GSE1: variants seen among roughly 807,000 people sequenced by gnomAD.
The protein encoded by GSE1 is Gse1 coiled-coil protein, also known as genetic suppressor element 1.
GSE1 carries 32 observed loss-of-function variants against 112.6 expected under a neutral mutation model. That is an observed-to-expected ratio of 0.28 (90% CI 0.21 to 0.38). GSE1 has a LOEUF of 0.38. GSE1 is among the 10% of genes least tolerant of loss of function. The pLI, the probability that GSE1 is intolerant of heterozygous loss-of-function variation, is 1.00. For synonymous variants in GSE1, 1,115 were observed against 735.6 expected (o/e 1.52, Z -8.35); for missense variants, 2,348 against 1,699.2 (o/e 1.38, Z -6.71).
chr16:85,358,637 CT>C lies in GSE1; in HGVS notation c.2464+995del, dbSNP rs527458745. ...CTGGACTTTGATCTGGGACCTCCAT[CT>C]GCAGGGCAACCCCAATACCGACCTC... On this transcript the variant is annotated intron_variant, in intron 2 of 2. Transcript: ENST00000637419. Among the ~76,000 whole-genome samples the C allele has an allele frequency of 2.0e-3, 312 of 152,332 alleles. 1 individual carries two copies. Among genetic ancestry groups the C allele is most frequent in the African/African-American group, 7.4e-3 (306 of 41,572 alleles).
intron 1 of GSE1, among the ~76,000 whole-genome samples, chr16:85,614,565 GCTGC>G (rs1277665541): frequency 5.3e-5 from 8 of 152,122 alleles, no homozygotes; most frequent in African/African-American, 1.9e-4. Flanking sequence ...GGGAGTGGAG[GCTGC>G]GCCCTTTCCA....
At chr16:85,216,278 C>G (rs893530312) in intron 1 of GSE1, among the ~76,000 whole-genome samples, 2 of 152,148 alleles carry the variant, frequency 1.3e-5, no homozygotes, top group African/African-American at 4.8e-5. Context: ...GTGGTGTGCA[C>G]CTGTAGTCCC....
At chr16:85,213,224 A>G (rs2143675378) in intron 1 of GSE1, among the ~76,000 whole-genome samples, 1 of 150,628 alleles carries the variant, frequency 6.6e-6, no homozygotes, top group Admixed American at 6.6e-5. Context: ...AGCCGAGATC[A>G]CACTACTGCA....
intron 1 of GSE1, among the ~76,000 whole-genome samples, chr16:85,201,281 G>A (rs1298026750): frequency 6.6e-6 from 1 of 151,204 alleles, no homozygotes; most frequent in East Asian, 1.9e-4. Flanking sequence ...GTGTTGCTCA[G>A]GCTGAGTTTG....
chr16:85,185,282 G>A (rs1019980778), intron 1 of GSE1: 7 of 152,432 alleles, frequency 4.6e-5, no homozygotes, highest in Admixed American at 3.3e-4. Context: ...CAGCTCCAGG[G>A]GCAGAGTGCT....
chr16:85,581,023 T>C (rs540362573), intron 1 of GSE1, among the ~76,000 whole-genome samples: 95 of 152,356 alleles, frequency 6.2e-4, no homozygotes, highest in African/African-American at 2.2e-3. Context: ...CATCCAGGCA[T>C]TGAGCTCTTG....
intron 1 of GSE1, chr16:85,595,153 C>T (rs1360666670): frequency 6.6e-6 from 1 of 152,414 alleles, no homozygotes; most frequent in Admixed American, 6.5e-5. Context: ...CAGGCTGGGA[C>T]ATTCCTGTCT....
chr16:85,651,547 C>T (rs942969122), intron 3 of GSE1, among the ~76,000 whole-genome samples: 4 of 152,156 alleles, frequency 2.6e-5, no homozygotes, highest in South Asian at 2.1e-4. Context: ...CTCCTTGTGG[C>T]GGGGCGGCTG....
intron 2 of GSE1, among the ~76,000 whole-genome samples, chr16:85,459,287 C>T (rs1286660723): frequency 6.6e-6 from 1 of 152,202 alleles, no homozygotes; most frequent in Non-Finnish European, 1.5e-5. Context: ...TCCACAGAGC[C>T]ACCACCAGCC....
intron 2 of GSE1, among the ~76,000 whole-genome samples, chr16:85,432,085 A>G (rs1269366787): frequency 6.6e-6 from 1 of 152,094 alleles, no homozygotes; most frequent in Non-Finnish European, 1.5e-5. Flanking sequence ...CTCTTCCCCC[A>G]TAAACGACCA....
chr16:85,579,992 C>T (rs560365121), intron 1 of GSE1: 1 of 152,298 alleles, frequency 6.6e-6, no homozygotes, highest in East Asian at 1.9e-4. Flanking sequence ...GAGAGGCAGA[C>T]AGTAGACAAG....
chr16:85,473,712 C>T (rs2050365714), intron 2 of GSE1, among the ~76,000 whole-genome samples: 1 of 152,150 alleles, frequency 6.6e-6, no homozygotes, highest in Non-Finnish European at 1.5e-5. Flanking sequence ...TGCAAAGAGC[C>T]TTTTTCCAAA....
chr16:85,404,996 TG>T (rs2048245388), intron 2 of GSE1, among the ~76,000 whole-genome samples: 1 of 4,092 alleles, frequency 2.4e-4, no homozygotes, highest in Admixed American at 2.0e-3. Flanking sequence ...AGGGCCCCCC[TG>T]GATAATCCTC....
At chr16:85,304,945 C>T (rs535306161) in intron 1 of GSE1, among the ~76,000 whole-genome samples, 1 of 152,370 alleles carries the variant, frequency 6.6e-6, no homozygotes, top group African/African-American at 2.4e-5. Flanking sequence ...TGCTTCCTGA[C>T]TGTCCAACCC....
At chr16:85,353,712 A>G (rs1463336709) in intron 1 of GSE1, among the ~76,000 whole-genome samples, 1 of 152,210 alleles carries the variant, frequency 6.6e-6, no homozygotes, top group Non-Finnish European at 1.5e-5. Context: ...TCTTCTTGGA[A>G]AATCAGAAGA....
chr16:85,208,933 GTGTTGGGGTTCGCCGCA>G (rs1489991270), intron 1 of GSE1, among the ~76,000 whole-genome samples: 10 of 149,910 alleles, frequency 6.7e-5, no homozygotes, highest in Middle Eastern at 3.5e-3. Context: ...GGGTTCGCCT[GTGTTGGGGTTCGCCGCA>G]TGTTGGGGTT....
intron 1 of GSE1, among the ~76,000 whole-genome samples, chr16:85,191,835 T>G (rs2074829677): frequency 6.6e-6 from 1 of 152,100 alleles, no homozygotes; most frequent in African/African-American, 2.4e-5. Flanking sequence ...CTAGAAGATT[T>G]CCCTGACACC....
chr16:85,667,692 C>A (rs1032844859), intron 13 of GSE1, among the ~76,000 whole-genome samples: 3 of 152,184 alleles, frequency 2.0e-5, no homozygotes, highest in African/African-American at 7.2e-5. Flanking sequence ...AACCCTGTTT[C>A]TACTAAAAAT....
chr16:85,487,631 C>G (rs2050883753), intron 2 of GSE1, among the ~76,000 whole-genome samples: 1 of 152,096 alleles, frequency 6.6e-6, no homozygotes, highest in South Asian at 2.1e-4. Context: ...TCCAGGTCCC[C>G]AAGTCCAGGA....
Sources: gnomAD v4.1 joint callset for allele counts (sites outside exome capture counted in the v4.1 genomes callset) on GRCh38, gnomAD v4.1.1 for gene constraint, MANE v1.5 for transcripts, NCBI Gene and HGNC (gene_info 2026-07-23, HGNC 2026-07-21) for gene names.